The following RBP4 variants were observed in gnomAD, a reference collection of about 807,000 sequenced individuals.
RBP4 encodes retinol binding protein 4.
In RBP4, 9 loss-of-function variants were observed where a neutral mutation model predicts 26.2. That is an observed-to-expected ratio of 0.34 (90% CI 0.21 to 0.60). The LOEUF (loss-of-function observed/expected upper bound fraction) is 0.60. Ranked by LOEUF, RBP4 falls within the 20% of genes least tolerant of loss-of-function variation. RBP4 has a pLI of 0.80. For synonymous variants in RBP4, 114 were observed against 111.0 expected (o/e 1.03, Z -0.17); for missense variants, 244 against 271.3 (o/e 0.90, Z 0.71).
intron 4 of RBP4, among the ~76,000 whole-genome samples, chr10:93,599,246 C>CT (rs1430801782): frequency 7.1e-6 from 1 of 140,284 alleles, no homozygotes; most frequent in Non-Finnish European, 1.6e-5. Flanking sequence ...GACCCTGTCT[C>CT]TAAAAAAAAA....
In RBP4 at chr10:93,600,991, A is replaced by T; in HGVS notation, c.38T>A (p.Leu13Gln). 1 of 1,612,108 alleles carries T rather than the reference A, an allele frequency of 6.2e-7. No homozygotes were observed. Among genetic ancestry groups the T allele is most frequent in the Non-Finnish European group, 8.5e-7 (1 of 1,179,706 alleles). The change falls in exon 2 of 6, where the codon CTG becomes CAG. Residue 13 changes from leucine to glutamine, a missense_variant. Transcript: ENST00000371464. ...GTCGCGCTCCGCGCGGCCGCTGCCCAGCGCCGCCAACAGCAAGAGCGCCCA... is the reference window on the plus strand; with the variant it reads ...GTCGCGCTCCGCGCGGCCGCTGCCCTGCGCCGCCAACAGCAAGAGCGCCCA... Reference protein sequence around the residue: ...WVWALLLLAALGSGRAERDCR... With the variant: ...WVWALLLLAAQGSGRAERDCR...
At chr10:93,594,556 G>A (rs890306919) in intron 4 of RBP4, among the ~76,000 whole-genome samples, 12 of 152,138 alleles carry the variant, frequency 7.9e-5, no homozygotes, top group Non-Finnish European at 1.2e-4. Flanking sequence ...AGGATGCCAC[G>A]CCCATGGTCA....
chr10:93,596,632 A>G (rs905238705), intron 4 of RBP4, among the ~76,000 whole-genome samples: 1 of 152,020 alleles, frequency 6.6e-6, no homozygotes, highest in African/African-American at 2.4e-5. Context: ...CCCCTCTACC[A>G]TCCTAGGAAG....
At chr10:93,600,136 G>C (rs1230162289) in intron 4 of RBP4, among the ~76,000 whole-genome samples, 1 of 152,200 alleles carries the variant, frequency 6.6e-6, no homozygotes, top group African/African-American at 2.4e-5. Flanking sequence ...GTGGCTGGTG[G>C]GGAAAATGAC....
chr10:93,597,297 A>G (rs1056483898), intron 4 of RBP4, among the ~76,000 whole-genome samples: 3 of 152,248 alleles, frequency 2.0e-5, no homozygotes, highest in African/African-American at 7.2e-5. Flanking sequence ...GCAGAGTGAC[A>G]GACTTCATCT....
At chr10:93,598,641 A>C (rs1290355404) in intron 4 of RBP4, among the ~76,000 whole-genome samples, 1 of 152,248 alleles carries the variant, frequency 6.6e-6, no homozygotes, top group East Asian at 1.9e-4. Context: ...AGACAAAAGC[A>C]AACTAATCTG....
intron 4 of RBP4, 62 bp from the exon 5 acceptor site, chr10:93,594,097 G>A (rs1026269714): frequency 5.7e-5 from 86 of 1,506,710 alleles, no homozygotes; most frequent in Non-Finnish European, 7.2e-5. Flanking sequence ...AGATGTCGGA[G>A]AAACTCACGA....
chr10:93,600,866 C>CG (rs2058332921), intron 2 of RBP4, 52 bp downstream of exon 2: 2 of 419,488 alleles, frequency 4.8e-6, no homozygotes, highest in Non-Finnish European at 9.3e-6. Flanking sequence ...GCGGGGAGGG[C>CG]GGGGATGGGG....
intron 5 of RBP4, 82 bp from the exon 6 acceptor site, chr10:93,592,194 G>A (rs1470220804): frequency 3.3e-6 from 4 of 1,202,170 alleles, no homozygotes; most frequent in Non-Finnish European, 5.0e-6. Flanking sequence ...GATGGCCTTA[G>A]AGCTGGCTTC....
At position 93,593,944 on chromosome 10, in the gene RBP4, G is replaced by C; in HGVS notation, c.447C>G (p.Asp149Glu). 1 of 1,614,084 alleles carries C rather than the reference G, an allele frequency of 6.2e-7. No homozygotes were observed. The highest frequency in any genetic ancestry group is 8.5e-7 in the Non-Finnish European group (1 of 1,180,050). The change falls in exon 5 of 6, where the codon GAC becomes GAG. Residue 149 changes from aspartate (D) to glutamate (E), a missense_variant. By Grantham distance (45) the Asp-to-Glu change is conservative. Coordinates refer to ENST00000371464, the MANE Select transcript of RBP4 (RefSeq NM_006744.4). The part of the protein sequence containing the change: ...RLLNLDGTCA[D>E]SYSFVFSRDP... ...CCCGGGAAAACACGAAGGAGTAGCTGTCAGCACAGGTGCCATCGAGGTTCA... is the reference window on the plus strand; with the variant it reads ...CCCGGGAAAACACGAAGGAGTAGCTCTCAGCACAGGTGCCATCGAGGTTCA...
At chr10:93,595,942 C>A (rs1357992500) in intron 4 of RBP4, among the ~76,000 whole-genome samples, 1 of 152,166 alleles carries the variant, frequency 6.6e-6, no homozygotes, top group African/African-American at 2.4e-5. Context: ...CAGCAGGAAC[C>A]ATAAAGTTAT....
At chr10:93,592,170 A>C in intron 5 of RBP4, 58 bp from the exon 6 acceptor site, 1 of 1,429,542 alleles carries the variant, frequency 7.0e-7, no homozygotes, top group Non-Finnish European at 9.9e-7. Context: ...TTTTATGTAG[A>C]TAATGAACAT....
Position 93,600,385 on chromosome 10 carries a change from C to T in RBP4, c.355+8G>A. 1 of 1,612,330 alleles carries T rather than the reference C, an allele frequency of 6.2e-7. No homozygotes were observed. The highest frequency in any genetic ancestry group is 8.5e-7 in the Non-Finnish European group (1 of 1,178,382). On this transcript the variant is annotated splice_region_variant and intron_variant, in intron 4 of 5. Coordinates refer to ENST00000371464, the MANE Select transcript of RBP4 (RefSeq NM_006744.4). Reference sequence around the variant, plus strand: ...TCCCAAGACAGTCCCACAGAGCTGACTACTCACTTCCTTTCTGGAGAAAGG... The same window carrying T: ...TCCCAAGACAGTCCCACAGAGCTGATTACTCACTTCCTTTCTGGAGAAAGG...
chr10:93,600,032 C>G lies in RBP4; in HGVS notation c.355+361G>C, dbSNP rs78210870. ...AGATAGTCAAGCTGTCTCAGGGATT[C>G]AGCCCAAAGAGACGGAGGAAATGCA... On this transcript the variant is annotated intron_variant, in intron 4 of 5. Coordinates refer to ENST00000371464, the MANE Select transcript of RBP4 (RefSeq NM_006744.4). Among the ~76,000 whole-genome samples, 1,465 of 152,284 alleles carry G rather than the reference C, an allele frequency of 9.6e-3. 29 individuals carry two copies. Among genetic ancestry groups the G allele is most frequent in the African/African-American group, 0.034 (1,404 of 41,542 alleles).
chr10:93,600,802 A>T lies in RBP4; in HGVS notation c.113T>A (p.Phe38Tyr), dbSNP rs2058332103. Reference sequence around the variant, plus strand: ...GGCCATGGCGTACCAGGTCCCAGAGAACTGTGAGAAGGATGACAGCAGGGG... The same window carrying T: ...GGCCATGGCGTACCAGGTCCCAGAGTACTGTGAGAAGGATGACAGCAGGGG... ...RVKENFDKAR[F>Y]SGTWYAMAKK... The change falls in exon 3 of 6, where the codon TTC (phenylalanine) becomes TAC (tyrosine). Residue 38 changes from phenylalanine to tyrosine, a missense_variant and splice_region_variant. Transcript: ENST00000371464. 6.2e-7 allele frequency: 1 copy of T among 1,610,508 alleles called. No individual in the cohort carries two copies. Among genetic ancestry groups the T allele is most frequent in the Non-Finnish European group, 8.5e-7 (1 of 1,178,494 alleles).
rs1436260736 is a variant in RBP4 at position 93,591,814 on chromosome 10, T to C, written c.*261A>G. The C allele has an allele frequency of 2.0e-6, 1 of 507,940 alleles. No homozygotes were observed. The highest frequency in any genetic ancestry group is 3.5e-6 in the Non-Finnish European group (1 of 282,314). 31.5% of individuals were successfully genotyped at this position (507,940 alleles called of 1,614,324 possible). ...CACCCATCCGTCTGCAGCACAGACA[T>C]AAACACAAATGAAAACTAAAATCAC... On this transcript the variant is annotated 3_prime_UTR_variant, in exon 6 of 6. Transcript: ENST00000371464.
chr10:93,601,093 G>T, intron 1 of RBP4, 47 bp from the exon 2 acceptor site: 1 of 1,578,616 alleles, frequency 6.3e-7, no homozygotes, highest in East Asian at 2.3e-5. Context: ...GACCCCCGCC[G>T]CCGTATCCCA....
rs1262266381 is a variant in RBP4, at chr10:93,600,901, C to T, written c.111+17G>A. The T allele has an allele frequency of 3.1e-6, 5 of 1,611,874 alleles. No homozygotes were observed. The highest frequency in any genetic ancestry group is 1.1e-5 in the South Asian group (1 of 91,058). ...GTGGGGACCTGGGCCGCCTGGGCCC[C>T]CTGGGCCGATACCTACGCGAGCCTT... On this transcript the variant is annotated intron_variant, in intron 2 of 5. Coordinates refer to ENST00000371464, the MANE Select transcript of RBP4 (RefSeq NM_006744.4).
At chr10:93,597,451 T>G (rs2058309519) in intron 4 of RBP4, among the ~76,000 whole-genome samples, 1 of 152,376 alleles carries the variant, frequency 6.6e-6, no homozygotes, top group Middle Eastern at 3.4e-3. Context: ...CTTCCAATGA[T>G]TCTATGAAAT....
Sources: gnomAD v4.1 joint callset for allele counts (sites outside exome capture counted in the v4.1 genomes callset) on GRCh38, gnomAD v4.1.1 for gene constraint, MANE v1.5 for transcripts, NCBI Gene and HGNC (gene_info 2026-07-23, HGNC 2026-07-21) for gene names.